The following LRRC56 variants were observed in gnomAD, a reference collection of about 807,000 sequenced individuals.
LRRC56 encodes the protein leucine rich repeat containing 56, also known as leucine-rich repeat-containing protein 56.
LRRC56 carries 41 observed loss-of-function variants against 47.8 expected under a neutral mutation model. The observed-to-expected ratio is 0.86, with a 90% confidence interval of 0.67 to 1.11. The LOEUF is 1.11. Among genes scored for constraint, LRRC56 ranks in the 50% most tolerant of loss-of-function variants. LRRC56 has a pLI of 0.00. For missense variants in LRRC56, 759 were observed against 704.2 expected (o/e 1.08, Z -0.88); for synonymous variants, 387 against 311.2 (o/e 1.24, Z -2.56).
the LRRC56 span, among the ~76,000 whole-genome samples, chr11:520,473 C>A: frequency 6.2e-4 from 95 of 152,056 alleles, 1 homozygote; most frequent in East Asian, 0.011. Flanking sequence ...TGCGCCACCA[C>A]GTCCGGCTCA....
chr11:509,911 C>T, the LRRC56 span, among the ~76,000 whole-genome samples: 1 of 151,886 alleles, frequency 6.6e-6, no homozygotes, highest in Non-Finnish European at 1.5e-5. Context: ...TCAGTTCACC[C>T]ACTGTGGAAT....
the LRRC56 span, among the ~76,000 whole-genome samples, chr11:531,974 G>A: frequency 2.6e-5 from 4 of 152,218 alleles, no homozygotes; most frequent in Non-Finnish European, 5.9e-5. Flanking sequence ...TCCCTCTGGA[G>A]GACCAGGACG....
intron 5 of LRRC56, 59 bp from the exon 6 acceptor site, chr11:544,661 G>A: frequency 6.4e-7 from 1 of 1,558,740 alleles, no homozygotes; most frequent in African/African-American, 1.4e-5. Flanking sequence ...GGTGAAGGAG[G>A]GTGCAGAGGT....
At chr11:545,701 G>C (rs1442722697) in intron 6 of LRRC56, among the ~76,000 whole-genome samples, 9 of 152,228 alleles carry the variant, frequency 5.9e-5, no homozygotes, top group Non-Finnish European at 1.3e-4. Context: ...CACGTCATCG[G>C]AAGGGAAAGA....
upstream of LRRC56, among the ~76,000 whole-genome samples, chr11:534,979 G>A (rs1377051675): frequency 6.6e-6 from 1 of 152,224 alleles, no homozygotes; most frequent in Non-Finnish European, 1.5e-5. Context: ...AAGGGGCCGA[G>A]AAGCGGCGCG....
At chr11:538,365 G>C (rs1388754963) in intron 1 of LRRC56, among the ~76,000 whole-genome samples, 1 of 152,228 alleles carries the variant, frequency 6.6e-6, no homozygotes, top group Non-Finnish European at 1.5e-5. Context: ...GGTGGCCAGA[G>C]TCTTTGGGGG....
chr11:531,026 C>G, the LRRC56 span, among the ~76,000 whole-genome samples: 19 of 46,720 alleles, frequency 4.1e-4, no homozygotes, highest in South Asian at 6.9e-4. Context: ...GTCCCCTGGA[C>G]AGAAGGGGGA....
At chr11:544,574 A>G (rs1415214512) in intron 5 of LRRC56, 146 bp from the exon 6 acceptor site, 33 of 799,766 alleles carry the variant, frequency 4.1e-5, no homozygotes, top group Admixed American at 4.2e-5. Flanking sequence ...GTGCCACGTA[A>G]CCCCTCCTGT....
the LRRC56 span, chr11:507,443 TC>T: frequency 0.55 from 81,997 of 147,924 alleles, 23,180 homozygotes; most frequent in African/African-American, 0.69. Flanking sequence ...GGGCGTGGTC[TC>T]CCCCAGTAGG....
rs72841219 is a variant in LRRC56 at position 541,462 on chromosome 11, C to T, written c.178-75C>T. 0.034 allele frequency: 29,884 copies of T among 868,438 alleles called. 788 individuals are homozygous for T. The highest frequency in any genetic ancestry group is 0.043 in the Middle Eastern group (181 of 4,230). 53.8% of individuals were successfully genotyped at this position (868,438 alleles called of 1,614,324 possible). On this transcript the variant is annotated intron_variant, in intron 4 of 13. Transcript: ENST00000270115. The surrounding 1 kb of genome is among the most constrained non-coding windows in gnomAD (Gnocchi z 4.1). ...CTGCTCCAGCGGGAGCCCCAGAGTC[C>T]TGTAGCCAGAAGCAAGGATGGAACT...
the LRRC56 span, among the ~76,000 whole-genome samples, chr11:511,465 T>C: frequency 6.6e-6 from 1 of 152,228 alleles, no homozygotes; most frequent in Non-Finnish European, 1.5e-5. Context: ...AGCTGAATTT[T>C]GGTGACAGGA....
chr11:551,365 C>A, intron 9 of LRRC56, 63 bp downstream of exon 9: 3 of 1,106,282 alleles, frequency 2.7e-6, no homozygotes, highest in Non-Finnish European at 3.9e-6. Context: ...AAGAGGCCCC[C>A]ACCCCAGGCT....
At chr11:509,347 C>T in the LRRC56 span, among the ~76,000 whole-genome samples, 1 of 152,226 alleles carries the variant, frequency 6.6e-6, no homozygotes, top group Non-Finnish European at 1.5e-5. Flanking sequence ...TTTTCTTTGC[C>T]ATGATCTCTT....
intron 5 of LRRC56, among the ~76,000 whole-genome samples, chr11:544,208 G>A (rs937663284): frequency 1.3e-5 from 2 of 152,224 alleles, no homozygotes; most frequent in Admixed American, 1.3e-4. Context: ...GTTGTGTGTG[G>A]GACTGTGCAT....
chr11:520,339 T>TA, the LRRC56 span, among the ~76,000 whole-genome samples: 1 of 151,906 alleles, frequency 6.6e-6, no homozygotes, highest in African/African-American at 2.4e-5. Context: ...TTTTTTTTTT[T>TA]ATGGGGAATC....
the LRRC56 span, chr11:532,149 T>C: frequency 8.0e-6 from 2 of 251,122 alleles, no homozygotes; most frequent in Non-Finnish European, 1.6e-5. Context: ...CCAAAGGCTA[T>C]GGAGAGCCCA....
rs1852470222 is a variant in LRRC56 at position 552,618 on chromosome 11, C to T, written c.1231C>T (p.Pro411Ser). 6.2e-6 allele frequency: 10 copies of T among 1,610,352 alleles called. No individual in the cohort carries two copies. Among genetic ancestry groups the T allele is most frequent in the Non-Finnish European group, 8.5e-6 (10 of 1,178,580 alleles). The stretch of plus-strand genomic sequence containing the variant: ...GTCCCAACAGGAAGGGGCTGTAGCC[C>T]CCTGGGGCCCACGGAGGGTCCCTGA... Reference protein sequence around the residue: ...PESQQEGAVAPWGPRRVPEEQ... With the variant: ...PESQQEGAVASWGPRRVPEEQ... Residue 411 changes from proline to serine, a missense_variant, in exon 13 of 14, where the codon CCC becomes TCC. Physicochemically the swap from Pro to Ser is moderately conservative, Grantham distance 74. Transcript: ENST00000270115.
At chr11:533,600 T>C (rs1444431226), upstream of LRRC56, 3 of 1,613,804 alleles carry the variant, frequency 1.9e-6, no homozygotes, top group Admixed American at 5.0e-5. Context: ...CCTTCACCCG[T>C]TTGATCTGCT....
chr11:553,409 G>T (rs888941782), intron 13 of LRRC56, among the ~76,000 whole-genome samples: 1 of 152,170 alleles, frequency 6.6e-6, no homozygotes, highest in Non-Finnish European at 1.5e-5. Context: ...CTTCCATATG[G>T]TGGTGGGTGT....
Sources: allele counts gnomAD v4.1 joint callset (sites outside exome capture counted in the v4.1 genomes callset), GRCh38; gene constraint gnomAD v4.1.1; non-coding constraint Gnocchi (gnomAD v3.1); transcripts MANE v1.5; gene names NCBI Gene and HGNC (gene_info 2026-07-23, HGNC 2026-07-21).